DERA: variants seen among roughly 807,000 people sequenced by gnomAD.
DERA encodes the protein 2-deoxy-D-ribose 5-phosphate aldolase.
DERA carries 15 observed loss-of-function variants against 41.1 expected under a neutral mutation model. The ratio of observed to expected loss-of-function variants is 0.37; its 90% confidence interval spans 0.24 to 0.56. The LOEUF (loss-of-function observed/expected upper bound fraction) is 0.56, where lower values mean the gene tolerates loss of function less well. DERA is among the 20% of genes least tolerant of loss of function. The pLI, the probability that DERA is intolerant of heterozygous loss-of-function variation, is 0.81. For missense variants in DERA, 396 were observed against 403.4 expected, an observed-to-expected ratio of 0.98 and a Z score of 0.16; for synonymous variants, 139 against 137.4, an observed-to-expected ratio of 1.01 and a Z score of -0.08.
chr12:15,933,697 C>A (rs1948345557), intron 1 of DERA, among the ~76,000 whole-genome samples: 1 of 152,096 alleles, frequency 6.6e-6, no homozygotes, highest in Non-Finnish European at 1.5e-5. Flanking sequence ...GTCACCATTC[C>A]CAAATTGGTC....
chr12:16,026,666 A>C lies in DERA; in HGVS notation c.638-5876A>C, dbSNP rs1949055494. On this transcript the variant is annotated intron_variant, in intron 6 of 8. Coordinates refer to ENST00000428559, the MANE Select transcript of DERA (RefSeq NM_015954.4). The surrounding 1 kb of genome is among the most constrained non-coding windows in gnomAD (Gnocchi z 4.4). ...TTTAAAAATTTAACAAATTACTAAA[A>C]ACTATTTATAACCTTCCAAAAGAAA... Among the ~76,000 whole-genome samples, 1 of 151,400 alleles carries C rather than the reference A, an allele frequency of 6.6e-6. No individual in the cohort carries two copies. The highest frequency in any genetic ancestry group is 1.5e-5 in the Non-Finnish European group (1 of 67,826).
At position 16,001,648 on chromosome 12, in the gene DERA, C is replaced by G. The variant is rs1000168868; in HGVS notation, c.637+19212C>G. Among the ~76,000 whole-genome samples the G allele has an allele frequency of 1.3e-5, 2 of 152,132 alleles. No homozygotes were observed. Among genetic ancestry groups the G allele is most frequent in the Admixed American group, 6.5e-5 (1 of 15,268 alleles). On this transcript the variant is annotated intron_variant, in intron 6 of 8. Transcript: ENST00000428559. This position sits in a 1 kb window ranked among gnomAD's most constrained non-coding sequence, Gnocchi z 4.1. ...GTTTATATCCTTTAGATAGTAGTAA[C>G]AGGCTTAGTAGAGTAGTTGGAATAA...
At position 15,995,807 on chromosome 12, in the gene DERA, T is replaced by C. The variant is rs1387739257; in HGVS notation, c.637+13371T>C. ...CATCTAATTAGGAGGAGGAAAATCC[T>C]TGGGGTTGTAATATTATGTTCAAAT... is the stretch of plus-strand genomic sequence containing the variant. On this transcript the variant is annotated intron_variant, in intron 6 of 8. Coordinates refer to ENST00000428559, the MANE Select transcript of DERA (RefSeq NM_015954.4). This position sits in a 1 kb window ranked among gnomAD's most constrained non-coding sequence, Gnocchi z 5.1. Among the ~76,000 whole-genome samples the C allele has an allele frequency of 6.6e-6, 1 of 152,204 alleles. No homozygotes were observed. The highest frequency in any genetic ancestry group is 2.4e-5 in the African/African-American group (1 of 41,440).
rs1592039831 is a variant in DERA, at chr12:15,993,475, G to T, written c.637+11039G>T. Reference sequence around the variant, plus strand: ...GGCACATCTAGACTCCTGTGGTGTTGTGGCCTTTTTTTTTTTTTTTAAAAA... The same window carrying T: ...GGCACATCTAGACTCCTGTGGTGTTTTGGCCTTTTTTTTTTTTTTTAAAAA... On this transcript the variant is annotated intron_variant, in intron 6 of 8. Coordinates refer to ENST00000428559, the MANE Select transcript of DERA (RefSeq NM_015954.4). The surrounding 1 kb of genome is among the most constrained non-coding windows in gnomAD (Gnocchi z 4.4). Among the ~76,000 whole-genome samples, 1 of 146,958 alleles carries T rather than the reference G, an allele frequency of 6.8e-6. No individual in the cohort carries two copies. The highest frequency in any genetic ancestry group is 2.5e-5 in the African/African-American group (1 of 39,990).
In DERA at chr12:15,915,339, A is replaced by C. The variant is rs1948191384; in HGVS notation, c.31+3925A>C. Among the ~76,000 whole-genome samples, 1 of 152,174 alleles carries C rather than the reference A, an allele frequency of 6.6e-6. No individual in the cohort carries two copies. Among genetic ancestry groups the C allele is most frequent in the Non-Finnish European group, 1.5e-5 (1 of 68,020 alleles). The stretch of plus-strand genomic sequence containing the variant: ...TATGAATTAGGGATTTAGGGAGCTC[A>C]TTTTTGGCATTCCTGCTAAAGTATA... On this transcript the variant is annotated intron_variant, in intron 1 of 8. Transcript: ENST00000428559. The surrounding 1 kb of genome is among the most constrained non-coding windows in gnomAD (Gnocchi z 4.8).
chr12:15,930,466 T>C (rs1948319072), intron 1 of DERA, among the ~76,000 whole-genome samples: 1 of 152,198 alleles, frequency 6.6e-6, no homozygotes. Flanking sequence ...TTAAAATTAA[T>C]CAATAGCCAA....
intron 6 of DERA, among the ~76,000 whole-genome samples, chr12:16,029,876 C>T (rs919469600): frequency 7.1e-6 from 1 of 141,832 alleles, no homozygotes; most frequent in Non-Finnish European, 1.5e-5. Context: ...TTTAAGAGAT[C>T]ATGCCTTGTT....
At position 15,936,721 on chromosome 12, in the gene DERA, T is replaced by G. The variant is rs1948366585; in HGVS notation, c.32-20215T>G. On this transcript the variant is annotated intron_variant, in intron 1 of 8. Transcript: ENST00000428559. The surrounding 1 kb of genome is among the most constrained non-coding windows in gnomAD (Gnocchi z 4.6). The stretch of plus-strand genomic sequence containing the variant: ...TTTATTCAGTTGTGTTTGTCTTCCT[T>G]TAGAGCAGAACTCCCTTTTTAGTAT... Among the ~76,000 whole-genome samples the G allele has an allele frequency of 6.6e-6, 1 of 152,238 alleles. No individual in the cohort carries two copies.
rs1948861714 is a variant in DERA, at chr12:15,999,689, T to C, written c.637+17253T>C. On this transcript the variant is annotated intron_variant, in intron 6 of 8. Transcript: ENST00000428559. The surrounding 1 kb of genome is among the most constrained non-coding windows in gnomAD (Gnocchi z 5.3). ...GTAAATAGCTTGGAGTTTAAGGCCA[T>C]GCTAAGGAATTGAAGTTTCGTGTTT... 6.6e-6 allele frequency among the ~76,000 whole-genome samples: 1 copy of C among 152,140 alleles called. No homozygotes were observed. Among genetic ancestry groups the C allele is most frequent in the Non-Finnish European group, 1.5e-5 (1 of 68,036 alleles).
At position 15,913,271 on chromosome 12, in the gene DERA, A is replaced by C. The variant is rs1383378458; in HGVS notation, c.31+1857A>C. Among the ~76,000 whole-genome samples the C allele has an allele frequency of 6.6e-6, 1 of 152,244 alleles. No homozygotes were observed. The highest frequency in any genetic ancestry group is 1.5e-5 in the Non-Finnish European group (1 of 68,036). On this transcript the variant is annotated intron_variant, in intron 1 of 8. Transcript: ENST00000428559. The surrounding 1 kb of genome is among the most constrained non-coding windows in gnomAD (Gnocchi z 4.5). ...AAATGTGGTTTTTATGCAGCTATCG[A>C]AATGATCATAGCTTTGTATTTATTA...
At chr12:15,932,666 T>C (rs1183910532) in intron 1 of DERA, among the ~76,000 whole-genome samples, 1 of 152,064 alleles carries the variant, frequency 6.6e-6, no homozygotes, top group Non-Finnish European at 1.5e-5. Flanking sequence ...TCACTATAAT[T>C]TAAAAAAGAA....
At position 15,976,024 on chromosome 12, in the gene DERA, TACACAGCACAC is replaced by T. The variant is rs1397328082; in HGVS notation, c.509-6280_509-6270del. Among the ~76,000 whole-genome samples, 1 of 152,210 alleles carries T rather than the reference TACACAGCACAC, an allele frequency of 6.6e-6. No individual in the cohort carries two copies. Among genetic ancestry groups the T allele is most frequent in the African/African-American group, 2.4e-5 (1 of 41,454 alleles). On this transcript the variant is annotated intron_variant, in intron 5 of 8. Coordinates refer to ENST00000428559, the MANE Select transcript of DERA (RefSeq NM_015954.4). This position sits in a 1 kb window ranked among gnomAD's most constrained non-coding sequence, Gnocchi z 4.1. ...TAGTAAATACATGAACGTACACATA[TACACAGCACAC>T]ACATAGAAACACACATTCATTTTTA... is the stretch of plus-strand genomic sequence containing the variant.
At chr12:16,022,535 G>T (rs1949023507) in intron 6 of DERA, among the ~76,000 whole-genome samples, 1 of 152,084 alleles carries the variant, frequency 6.6e-6, no homozygotes, top group Admixed American at 6.6e-5. Context: ...GACAATAAAG[G>T]CTTGGCTTGA....
At position 15,984,814 on chromosome 12, in the gene DERA, G is replaced by T. The variant is rs1444453954; in HGVS notation, c.637+2378G>T. 6.6e-6 allele frequency among the ~76,000 whole-genome samples: 1 copy of T among 152,106 alleles called. No homozygotes were observed. Among genetic ancestry groups the T allele is most frequent in the African/African-American group, 2.4e-5 (1 of 41,420 alleles). Reference sequence around the variant, plus strand: ...TACTCTGTTAAGAAGGTATATAATAGAATTGAAGTATTCTTTGATGAACTT... The same window carrying T: ...TACTCTGTTAAGAAGGTATATAATATAATTGAAGTATTCTTTGATGAACTT... On this transcript the variant is annotated intron_variant, in intron 6 of 8. Coordinates refer to ENST00000428559, the MANE Select transcript of DERA (RefSeq NM_015954.4). This position sits in a 1 kb window ranked among gnomAD's most constrained non-coding sequence, Gnocchi z 4.5.
Position 15,972,195 on chromosome 12 carries a change from C to A in DERA, c.508+9248C>A. On this transcript the variant is annotated intron_variant, in intron 5 of 8. Transcript: ENST00000428559. This position sits in a 1 kb window ranked among gnomAD's most constrained non-coding sequence, Gnocchi z 4.4. Reference sequence around the variant, plus strand: ...GCAGCAGCCATCGTTGTTGAGGTGTCCACATGATGAATGTAACCTATTCCA... The same window carrying A: ...GCAGCAGCCATCGTTGTTGAGGTGTACACATGATGAATGTAACCTATTCCA... 6.2e-6 allele frequency: 1 copy of A among 162,012 alleles called. No homozygotes were observed. The highest frequency in any genetic ancestry group is 1.7e-4 in the South Asian group (1 of 5,898). 10.0% of individuals were successfully genotyped at this position (162,012 alleles called of 1,614,324 possible).
chr12:15,962,763 C>T lies in DERA; in HGVS notation c.374-50C>T, dbSNP rs920103334. ...TTCCCCTCCCCCCCTTGCTTACTTT[C>T]TTTCTTCCCTCCTTCCCTCTTTCTT... On this transcript the variant is annotated intron_variant, in intron 4 of 8. Transcript: ENST00000428559. The T allele has an allele frequency of 2.0e-6, 3 of 1,469,038 alleles. No homozygotes were observed. In the African/African-American group the frequency reaches 4.3e-5, roughly 21 times the overall value. The allele number at this position is 1,469,038 out of a possible 1,614,324, so 91.0% of individuals were successfully genotyped here.
At chr12:15,926,320 C>G (rs922059956) in intron 1 of DERA, among the ~76,000 whole-genome samples, 1 of 152,296 alleles carries the variant, frequency 6.6e-6, no homozygotes, top group African/African-American at 2.4e-5. Flanking sequence ...TGCCACTGCT[C>G]TTGGCTCACT....
intron 1 of DERA, among the ~76,000 whole-genome samples, chr12:15,934,260 C>A (rs111612781): frequency 5.3e-5 from 8 of 152,122 alleles, no homozygotes; most frequent in African/African-American, 1.9e-4. Context: ...AGACAGCCTG[C>A]GGGTTTGGAT....
chr12:15,950,785 T>A (rs1370569232), intron 1 of DERA, among the ~76,000 whole-genome samples: 1 of 152,240 alleles, frequency 6.6e-6, no homozygotes, highest in Non-Finnish European at 1.5e-5. Flanking sequence ...AGATGTATAA[T>A]ATAGTTAATA....
Sources: allele counts gnomAD v4.1 joint callset (sites outside exome capture counted in the v4.1 genomes callset), GRCh38; gene constraint gnomAD v4.1.1; non-coding constraint Gnocchi (gnomAD v3.1); transcripts MANE v1.5; gene names NCBI Gene and HGNC (gene_info 2026-07-23, HGNC 2026-07-21).